GAS2: variants seen among roughly 807,000 people sequenced by gnomAD.
The protein encoded by GAS2 is growth arrest-specific protein 2.
In GAS2, 20 loss-of-function variants were observed where a neutral mutation model predicts 37.5. The observed-to-expected ratio is 0.53, with a 90% CI of 0.37 to 0.77. The LOEUF (loss-of-function observed/expected upper bound fraction) is 0.77. Among genes scored for constraint, GAS2 ranks in the 30% least tolerant of loss-of-function variants. The pLI is 0.00. For missense variants in GAS2, 336 were observed against 373.4 expected (o/e 0.90, Z 0.82); for synonymous variants, 144 against 132.2 (o/e 1.09, Z -0.61).
chr11:22,659,999 T>C (rs1035944118), intron 1 of GAS2, among the ~76,000 whole-genome samples: 2 of 152,152 alleles, frequency 1.3e-5, no homozygotes, highest in Non-Finnish European at 2.9e-5. Flanking sequence ...TTGCTTCCCA[T>C]TTGTGTTGGG....
At chr11:22,683,426 T>C (rs557026027) in intron 2 of GAS2, among the ~76,000 whole-genome samples, 70 of 152,176 alleles carry the variant, frequency 4.6e-4, no homozygotes, top group African/African-American at 1.6e-3. Context: ...CCACAATACC[T>C]GGCTAATTTT....
At chr11:22,641,074 A>C (rs1285728461) in intron 1 of GAS2, among the ~76,000 whole-genome samples, 1 of 149,468 alleles carries the variant, frequency 6.7e-6, no homozygotes, top group South Asian at 2.1e-4. Context: ...GTTCCCTTGC[A>C]CTCTGGCTTT....
intron 1 of GAS2, among the ~76,000 whole-genome samples, chr11:22,667,660 T>C (rs1005084745): frequency 2.6e-5 from 4 of 152,222 alleles, no homozygotes; most frequent in Non-Finnish European, 5.9e-5. Context: ...GTCAACTCAG[T>C]ATGGTAAATT....
intron 1 of GAS2, among the ~76,000 whole-genome samples, chr11:22,654,284 C>G (rs989467506): frequency 6.6e-6 from 1 of 152,198 alleles, no homozygotes; most frequent in African/African-American, 2.4e-5. Flanking sequence ...GTCATTATCA[C>G]TTAATGGTAC....
At chr11:22,778,486 T>C (rs971031861) in intron 7 of GAS2, among the ~76,000 whole-genome samples, 17 of 152,150 alleles carry the variant, frequency 1.1e-4, no homozygotes, top group Non-Finnish European at 1.5e-5. Context: ...AGGGGTTACT[T>C]TGGGTAAAGC....
intron 2 of GAS2, among the ~76,000 whole-genome samples, chr11:22,676,768 T>C (rs570870942): frequency 1.2e-3 from 104 of 88,536 alleles, no homozygotes; most frequent in African/African-American, 3.1e-3. Context: ...AGCATAAGCA[T>C]TGGTAAAAAA....
chr11:22,747,561 A>C (rs964572346), intron 5 of GAS2, among the ~76,000 whole-genome samples: 4 of 152,064 alleles, frequency 2.6e-5, no homozygotes, highest in Non-Finnish European at 4.4e-5. Context: ...CCTCTTTACT[A>C]TCTGAATTCT....
intron 3 of GAS2, among the ~76,000 whole-genome samples, chr11:22,710,764 C>A (rs144521812): frequency 2.2e-3 from 338 of 152,234 alleles, no homozygotes; most frequent in Non-Finnish European, 4.1e-3. Flanking sequence ...TATCACTCAG[C>A]TGTGACTTAA....
chr11:22,653,117 C>G (rs1038447616), intron 1 of GAS2, among the ~76,000 whole-genome samples: 11 of 149,712 alleles, frequency 7.3e-5, no homozygotes, highest in African/African-American at 2.7e-4. Flanking sequence ...CCCTTCCTTC[C>G]TCCCTCCTTT....
intron 1 of GAS2, among the ~76,000 whole-genome samples, chr11:22,629,530 T>A (rs1316034405): frequency 6.6e-6 from 1 of 152,208 alleles, no homozygotes; most frequent in African/African-American, 2.4e-5. Context: ...CCCATTGTGG[T>A]TTTAATTTGC....
chr11:22,764,445 C>T (rs1286850401), intron 7 of GAS2, among the ~76,000 whole-genome samples: 1 of 151,368 alleles, frequency 6.6e-6, no homozygotes, highest in South Asian at 2.1e-4. Flanking sequence ...CTGTAGTCCC[C>T]GCTACTCCGG....
rs79653011 is a variant in GAS2, at chr11:22,736,300, G to A, written c.410-1405G>A. Reference sequence around the variant, plus strand: ...AAAGCAATTAAAAATTCCCTAACTAGGACTTTGTGACAATTTACTGATGGT... The same window carrying A: ...AAAGCAATTAAAAATTCCCTAACTAAGACTTTGTGACAATTTACTGATGGT... On this transcript the variant is annotated intron_variant, in intron 4 of 7. Transcript: ENST00000454584. Among the ~76,000 whole-genome samples the A allele has an allele frequency of 2.0e-3, 310 of 151,882 alleles. 9 individuals carry two copies. In the East Asian group the frequency reaches 0.05, roughly 24 times the overall value.
chr11:22,650,123 T>G (rs1454266656), intron 1 of GAS2, among the ~76,000 whole-genome samples: 21 of 152,016 alleles, frequency 1.4e-4, no homozygotes, highest in African/African-American at 3.6e-4. Flanking sequence ...TTGTGTCTTT[T>G]TTCTCGTTGG....
chr11:22,698,717 A>G (rs954284694), intron 3 of GAS2, among the ~76,000 whole-genome samples: 3 of 152,162 alleles, frequency 2.0e-5, no homozygotes, highest in African/African-American at 7.2e-5. Context: ...GGTTCAATAT[A>G]TGCAAATCAA....
intron 2 of GAS2, among the ~76,000 whole-genome samples, chr11:22,682,472 TTAGAG>T (rs1350056685): frequency 3.9e-5 from 6 of 152,312 alleles, no homozygotes; most frequent in East Asian, 3.9e-4. Context: ...ATTCAACAAT[TTAGAG>T]TAAAGTTTAT....
intron 3 of GAS2, among the ~76,000 whole-genome samples, chr11:22,692,607 A>G (rs1350755071): frequency 6.6e-6 from 1 of 152,200 alleles, no homozygotes; most frequent in Non-Finnish European, 1.5e-5. Flanking sequence ...AGCCTTTCCA[A>G]AGGAAGCAGT....
chr11:22,674,077 T>C (rs1479941743), intron 1 of GAS2, among the ~76,000 whole-genome samples: 3 of 152,206 alleles, frequency 2.0e-5, no homozygotes, highest in African/African-American at 7.2e-5. Flanking sequence ...ATATGGGTTC[T>C]TGGCTATTCC....
At chr11:22,716,477 T>C (rs193099847) in intron 3 of GAS2, among the ~76,000 whole-genome samples, 1 of 152,002 alleles carries the variant, frequency 6.6e-6, no homozygotes, top group Admixed American at 6.6e-5. Context: ...TTGTCTCAAC[T>C]AAAAATTCAA....
At chr11:22,675,089 A>G in intron 2 of GAS2, 75 bp downstream of exon 2, 1 of 1,433,856 alleles carries the variant, frequency 7.0e-7, no homozygotes, top group South Asian at 1.3e-5. Flanking sequence ...AGTGTCCTTC[A>G]CCTAAGCATG....
Sources: gnomAD v4.1 joint callset for allele counts (sites outside exome capture counted in the v4.1 genomes callset) on GRCh38, gnomAD v4.1.1 for gene constraint, MANE v1.5 for transcripts, NCBI Gene and HGNC (gene_info 2026-07-23, HGNC 2026-07-21) for gene names.